The following TENM3 variants were observed in gnomAD, a reference collection of about 807,000 sequenced individuals.
The protein encoded by TENM3 is teneurin-3.
TENM3 carries 63 observed loss-of-function variants against 255.1 expected under a neutral mutation model. The observed-to-expected ratio is 0.25, with a 90% CI of 0.20 to 0.30. The LOEUF (loss-of-function observed/expected upper bound fraction) is 0.30, where lower values mean the gene tolerates loss of function less well. Among genes scored for constraint, TENM3 ranks in the 10% least tolerant of loss-of-function variants. The pLI is 1.00. For missense variants in TENM3, 2,929 were observed against 3,461.1 expected, an observed-to-expected ratio of 0.85 and a Z score of 3.86; for synonymous variants, 1,306 against 1,322.3, an observed-to-expected ratio of 0.99 and a Z score of 0.27.
the TENM3 span, among the ~76,000 whole-genome samples, chr4:181,767,012 G>T: frequency 4.7e-5 from 7 of 150,008 alleles, no homozygotes; most frequent in South Asian, 8.5e-4. Flanking sequence ...CAGCACTTTG[G>T]GAGGCCGAGG....
the TENM3 span, among the ~76,000 whole-genome samples, chr4:181,924,415 G>A: frequency 6.6e-6 from 1 of 152,154 alleles, no homozygotes; most frequent in Non-Finnish European, 1.5e-5. Flanking sequence ...CTTGTATGCA[G>A]GGTGAAATCT....
At chr4:182,677,376 T>G (rs1047385646) in intron 7 of TENM3, among the ~76,000 whole-genome samples, 1 of 152,204 alleles carries the variant, frequency 6.6e-6, no homozygotes, top group African/African-American at 2.4e-5. Context: ...AAAGACCAGC[T>G]AAAACTCAAA....
the TENM3 span, among the ~76,000 whole-genome samples, chr4:181,614,979 G>A: frequency 2.6e-5 from 4 of 152,156 alleles, no homozygotes; most frequent in East Asian, 1.9e-4. Context: ...GAGTTCTCAC[G>A]GCATGATTTT....
intron 5 of TENM3, among the ~76,000 whole-genome samples, chr4:182,649,558 A>C (rs2152507433): frequency 6.6e-6 from 1 of 150,748 alleles, no homozygotes; most frequent in South Asian, 2.2e-4. Flanking sequence ...TATTTCTGTA[A>C]CCTTAAAGTT....
rs536256887 is a variant in TENM3, at chr4:182,593,118, A to G, written c.512-7806A>G. 2.6e-5 allele frequency among the ~76,000 whole-genome samples: 4 copies of G among 152,280 alleles called. No individual in the cohort carries two copies. In the South Asian group the frequency reaches 6.2e-4, roughly 24 times the overall value. ...ACTTTCTGTTTTAGGCAATGTGGCAACCTAGATTACCTGACAACTCCCTTG... is the reference window on the plus strand; with the variant it reads ...ACTTTCTGTTTTAGGCAATGTGGCAGCCTAGATTACCTGACAACTCCCTTG... On this transcript the variant is annotated intron_variant, in intron 3 of 27. Coordinates refer to ENST00000511685, the MANE Select transcript of TENM3 (RefSeq NM_001080477.4).
chr4:181,575,625 T>A, the TENM3 span, among the ~76,000 whole-genome samples: 4 of 152,216 alleles, frequency 2.6e-5, no homozygotes, highest in African/African-American at 9.6e-5. Flanking sequence ...AATTGGTGAA[T>A]TTGAAGAGCA....
chr4:182,116,447 T>TG, the TENM3 span, among the ~76,000 whole-genome samples: 1 of 152,152 alleles, frequency 6.6e-6, no homozygotes, highest in Non-Finnish European at 1.5e-5. Flanking sequence ...GATTTGATCA[T>TG]GGGGGTGGTT....
intron 5 of TENM3, among the ~76,000 whole-genome samples, chr4:182,635,238 C>A (rs141013444): frequency 5.3e-5 from 8 of 152,282 alleles, no homozygotes; most frequent in African/African-American, 1.9e-4. Context: ...ACCAGTAATT[C>A]ATTTGACAAC....
intron 3 of TENM3, among the ~76,000 whole-genome samples, chr4:182,357,720 A>C (rs1159864583): frequency 1.3e-5 from 2 of 150,038 alleles, no homozygotes; most frequent in African/African-American, 2.5e-5. Context: ...TCTTTAGTTT[A>C]ATTAGATCCC....
chr4:182,223,583 A>G (rs756654479), intron 1 of TENM3, among the ~76,000 whole-genome samples: 1 of 152,182 alleles, frequency 6.6e-6, no homozygotes, highest in South Asian at 2.1e-4. Flanking sequence ...GCTCCTAAAA[A>G]TGAAAAGCCC....
At chr4:181,599,821 T>C in the TENM3 span, among the ~76,000 whole-genome samples, 2 of 152,192 alleles carry the variant, frequency 1.3e-5, no homozygotes, top group African/African-American at 4.8e-5. Context: ...TCTATGACCT[T>C]CTTTTATTAT....
intron 1 of TENM3, among the ~76,000 whole-genome samples, chr4:182,286,630 A>C (rs1760745412): frequency 1.3e-5 from 2 of 152,156 alleles, no homozygotes; most frequent in African/African-American, 4.8e-5. Flanking sequence ...GTTTGGTCTC[A>C]ATTGTTGACA....
the TENM3 span, among the ~76,000 whole-genome samples, chr4:182,051,534 C>T: frequency 0.28 from 41,988 of 151,382 alleles, 6,585 homozygotes; most frequent in Middle Eastern, 0.4. Flanking sequence ...CCTGCCACCG[C>T]GCTCGGCTAA....
the TENM3 span, among the ~76,000 whole-genome samples, chr4:181,503,913 G>A: frequency 6.6e-6 from 1 of 152,128 alleles, no homozygotes; most frequent in East Asian, 1.9e-4. Context: ...CCCCTTCCAT[G>A]GCTGGAAGTG....
intron 1 of TENM3, among the ~76,000 whole-genome samples, chr4:182,248,233 A>T (rs1272746141): frequency 1.3e-5 from 2 of 152,220 alleles, no homozygotes; most frequent in Non-Finnish European, 2.9e-5. Context: ...CACGTTCTGC[A>T]CATACATCCC....
chr4:182,362,887 T>A (rs1766126884), intron 3 of TENM3, among the ~76,000 whole-genome samples: 1 of 152,210 alleles, frequency 6.6e-6, no homozygotes. Flanking sequence ...AAAACTTTTA[T>A]TTTTTAAGGT....
intron 4 of TENM3, among the ~76,000 whole-genome samples, chr4:182,615,309 C>T (rs1252744598): frequency 6.6e-6 from 1 of 151,722 alleles, no homozygotes; most frequent in African/African-American, 2.4e-5. Flanking sequence ...AAAACTACCC[C>T]AGCCAGAAAG....
chr4:182,197,545 G>A (rs950632705), intron 1 of TENM3, among the ~76,000 whole-genome samples: 10 of 151,992 alleles, frequency 6.6e-5, no homozygotes, highest in Non-Finnish European at 1.0e-4. Flanking sequence ...ATCCCACCGT[G>A]GTATTGCATA....
At chr4:181,543,958 A>G in the TENM3 span, among the ~76,000 whole-genome samples, 3 of 152,206 alleles carry the variant, frequency 2.0e-5, no homozygotes, top group Admixed American at 1.3e-4. Context: ...TCAGGATGTC[A>G]TGAAAGCCCA....
Sources: gnomAD v4.1 joint callset for allele counts (sites outside exome capture counted in the v4.1 genomes callset) on GRCh38, gnomAD v4.1.1 for gene constraint, MANE v1.5 for transcripts, NCBI Gene and HGNC (gene_info 2026-07-23, HGNC 2026-07-21) for gene names.